Variants in DCK observed in about 807,000 individuals in gnomAD.
DCK encodes deoxycytidine kinase.
A neutral mutation model predicts 38.3 loss-of-function variants in DCK; 23 were observed. The ratio of observed to expected loss-of-function variants is 0.60; its 90% CI spans 0.43 to 0.85. The LOEUF (loss-of-function observed/expected upper bound fraction) is 0.85, where lower values mean the gene tolerates loss of function less well. Among genes scored for constraint, DCK ranks in the 40% least tolerant of loss-of-function variants. The pLI is 0.00. For missense variants in DCK, 259 were observed against 304.4 expected, an observed-to-expected ratio of 0.85 and a Z score of 1.11; for synonymous variants, 108 against 100.6, an observed-to-expected ratio of 1.07 and a Z score of -0.44.
At chr4:71,024,023 A>G (rs1168015016) in intron 4 of DCK, among the ~76,000 whole-genome samples, 4 of 151,630 alleles carry the variant, frequency 2.6e-5, no homozygotes, top group South Asian at 2.1e-4. Context: ...TGGTCAAGCA[A>G]CTCCTAGAAT....
intron 2 of DCK, among the ~76,000 whole-genome samples, chr4:71,017,528 C>G (rs1740301740): frequency 6.6e-6 from 1 of 151,950 alleles, no homozygotes. Context: ...TGGAACCAAC[C>G]CAGATGTCCA....
intron 2 of DCK, among the ~76,000 whole-genome samples, chr4:71,005,070 G>C (rs1201939521): frequency 6.6e-6 from 1 of 152,194 alleles, no homozygotes. Flanking sequence ...CTGCCCAAAT[G>C]GCTGTCCAGT....
Position 70,998,113 on chromosome 4 carries a change from A to T in DCK, c.138A>T (p.Glu46Asp). Residue 46 changes from glutamate to aspartate, a missense_variant, in exon 2 of 7, where the codon GAA (glutamate) becomes GAT (aspartate). Transcript: ENST00000286648. ...TGAATATCCTTAAACAATTGTGTGA[A>T]GATTGGGAAGTGGTTCCTGAACCTG... Reference protein sequence around the residue: ...TFVNILKQLCEDWEVVPEPVA... With the variant: ...TFVNILKQLCDDWEVVPEPVA... 1 of 1,609,240 alleles carries T rather than the reference A, an allele frequency of 6.2e-7. No homozygotes were observed. Among genetic ancestry groups the T allele is most frequent in the Non-Finnish European group, 8.5e-7 (1 of 1,176,678 alleles).
intron 2 of DCK, among the ~76,000 whole-genome samples, chr4:71,010,233 C>A (rs1299966514): frequency 1.3e-5 from 2 of 149,692 alleles, no homozygotes; most frequent in African/African-American, 4.9e-5. Flanking sequence ...ATAAGGTACT[C>A]CTAATTTTGG....
At chr4:71,004,465 C>T (rs1739889723) in intron 2 of DCK, among the ~76,000 whole-genome samples, 1 of 152,192 alleles carries the variant, frequency 6.6e-6, no homozygotes. Flanking sequence ...TGCTGCCTGT[C>T]CTTTAGCAGA....
chr4:71,020,377 T>A (rs11935198), intron 2 of DCK, among the ~76,000 whole-genome samples: 122,992 of 152,212 alleles, frequency 0.81, 54,324 homozygotes, highest in Non-Finnish European at 0.97. Context: ...AATCAAACAG[T>A]TTAGCTGTTG....
At chr4:70,996,366 A>G (rs1180906895) in intron 1 of DCK, among the ~76,000 whole-genome samples, 1 of 152,210 alleles carries the variant, frequency 6.6e-6, no homozygotes, top group Non-Finnish European at 1.5e-5. Flanking sequence ...CTGTGTCTAA[A>G]GAAAAAAAAA....
At chr4:70,999,336 C>A (rs1209810699) in intron 2 of DCK, among the ~76,000 whole-genome samples, 2 of 152,210 alleles carry the variant, frequency 1.3e-5, no homozygotes, top group Admixed American at 6.5e-5. Flanking sequence ...CATGTCCCTG[C>A]AAAGGTTATG....
chr4:71,003,563 G>A (rs1739864835), intron 2 of DCK, among the ~76,000 whole-genome samples: 1 of 152,150 alleles, frequency 6.6e-6, no homozygotes, highest in African/African-American at 2.4e-5. Flanking sequence ...TTCCAACTTG[G>A]TTCCATTCGT....
chr4:71,002,582 A>T (rs1739835312), intron 2 of DCK, among the ~76,000 whole-genome samples: 1 of 152,082 alleles, frequency 6.6e-6, no homozygotes, highest in Admixed American at 6.6e-5. Context: ...CACTGTTATT[A>T]TGTGGGAGTC....
At position 71,000,902 on chromosome 4, in the gene DCK, A is replaced by T. The variant is rs190409529; in HGVS notation, c.207+2720A>T. 5.8e-4 allele frequency among the ~76,000 whole-genome samples: 89 copies of T among 152,274 alleles called. 3 individuals are homozygous for T. The highest frequency in any genetic ancestry group is 1.3e-4 in the Admixed American group (2 of 15,298). On this transcript the variant is annotated intron_variant, in intron 2 of 6. Transcript: ENST00000286648. ...GACTTTACTGAAGTTGCTTGTCACC[A>T]TAAGGGATTATGGGCTGAGATGATG...
intron 6 of DCK, among the ~76,000 whole-genome samples, chr4:71,027,055 G>C (rs1016211332): frequency 2.6e-5 from 4 of 151,842 alleles, no homozygotes; most frequent in Non-Finnish European, 5.9e-5. Flanking sequence ...CTGTAGGATA[G>C]GTAAAATTAT....
At chr4:71,015,333 C>T (rs1361650865) in intron 2 of DCK, among the ~76,000 whole-genome samples, 4 of 152,208 alleles carry the variant, frequency 2.6e-5, no homozygotes, top group African/African-American at 7.2e-5. Flanking sequence ...GATGGATTCA[C>T]AGCCGAATTC....
chr4:71,025,012 TTAGAG>T (rs1165730466), intron 4 of DCK, among the ~76,000 whole-genome samples: 2 of 152,018 alleles, frequency 1.3e-5, no homozygotes, highest in Non-Finnish European at 2.9e-5. Context: ...AAAAGAGAAT[TTAGAG>T]TAGAGTTTGA....
intron 2 of DCK, among the ~76,000 whole-genome samples, chr4:71,011,232 CTTTTTTT>C (rs11322673): frequency 1.1e-5 from 1 of 93,022 alleles, no homozygotes; most frequent in African/African-American, 4.1e-5. Flanking sequence ...TGTGAGGTCT[CTTTTTTT>C]TTTTTTTTTT....
intron 6 of DCK, among the ~76,000 whole-genome samples, chr4:71,027,094 T>C (rs553574718): frequency 6.6e-6 from 1 of 152,098 alleles, no homozygotes; most frequent in Non-Finnish European, 1.5e-5. Flanking sequence ...TCACCCCCTT[T>C]TTCTCTGCTT....
chr4:71,025,534 T>C (rs981573168), intron 4 of DCK, among the ~76,000 whole-genome samples: 3 of 152,100 alleles, frequency 2.0e-5, no homozygotes, highest in Non-Finnish European at 4.4e-5. Context: ...TTTAAGTAGA[T>C]GTTTAATTTT....
At position 70,993,934 on chromosome 4, in the gene DCK, G is replaced by T; in HGVS notation, c.91+8G>T. 6.2e-7 allele frequency: 1 copy of T among 1,604,348 alleles called. No homozygotes were observed. Among genetic ancestry groups the T allele is most frequent in the Non-Finnish European group, 8.5e-7 (1 of 1,171,348 alleles). ...CCATCGAAGGGAACATCGGTAAGGA[G>T]CCTCCGGAAATGTGGGACGCAAGGC... is the stretch of plus-strand genomic sequence containing the variant. On this transcript the variant is annotated splice_region_variant and intron_variant, in intron 1 of 6. Transcript: ENST00000286648.
intron 2 of DCK, among the ~76,000 whole-genome samples, chr4:71,018,794 C>T (rs1159310625): frequency 6.6e-6 from 1 of 151,442 alleles, no homozygotes; most frequent in Non-Finnish European, 1.5e-5. Flanking sequence ...ACCTCAACCT[C>T]CGGAGTAGCT....
Sources: allele counts gnomAD v4.1 joint callset (sites outside exome capture counted in the v4.1 genomes callset), GRCh38; gene constraint gnomAD v4.1.1; transcripts MANE v1.5; gene names NCBI Gene and HGNC (gene_info 2026-07-23, HGNC 2026-07-21).